Variants in ADGRL2 observed in about 807,000 individuals in gnomAD.
ADGRL2 encodes the protein adhesion G protein-coupled receptor L2.
Under a neutral mutation model 157.4 loss-of-function variants are expected in ADGRL2, and 44 were observed. The observed-to-expected ratio is 0.28, with a 90% confidence interval of 0.22 to 0.36. ADGRL2 has a LOEUF of 0.36. ADGRL2 is among the 10% of genes least tolerant of loss of function. The pLI is 1.00. For synonymous variants in ADGRL2, 585 were observed against 624.7 expected, an observed-to-expected ratio of 0.94 and a Z score of 0.95; for missense variants, 1,510 against 1,768.9, an observed-to-expected ratio of 0.85 and a Z score of 2.63.
intron 2 of ADGRL2, chr1:81,502,667 A>C: frequency 1.2e-6 from 2 of 1,613,766 alleles, no homozygotes; most frequent in Non-Finnish European, 1.7e-6. Context: ...CTCAGGACGC[A>C]GTACATGAAG....
chr1:81,766,917 A>G (rs1373304744), intron 2 of ADGRL2, among the ~76,000 whole-genome samples: 1 of 151,926 alleles, frequency 6.6e-6, no homozygotes, highest in African/African-American at 2.4e-5. Context: ...TTTAAGAAAA[A>G]CACATTATAA....
At chr1:81,929,053 A>T (rs1331292437) in intron 3 of ADGRL2, among the ~76,000 whole-genome samples, 1 of 152,206 alleles carries the variant, frequency 6.6e-6, no homozygotes, top group African/African-American at 2.4e-5. Flanking sequence ...TAATTGTATA[A>T]TTTCAAATTT....
chr1:81,386,020 A>T (rs2076428723), intron 1 of ADGRL2, among the ~76,000 whole-genome samples: 2 of 152,162 alleles, frequency 1.3e-5, no homozygotes, highest in Non-Finnish European at 2.9e-5. Context: ...ATTAAAAAAA[A>T]ATGGCTTCAG....
At chr1:81,692,821 C>T (rs2083369885) in intron 3 of ADGRL2, among the ~76,000 whole-genome samples, 1 of 152,156 alleles carries the variant, frequency 6.6e-6, no homozygotes, top group Admixed American at 6.5e-5. Flanking sequence ...GGAGATTTCA[C>T]ATAAAAACTC....
intron 2 of ADGRL2, among the ~76,000 whole-genome samples, chr1:81,855,266 C>G (rs755114231): frequency 3.3e-5 from 5 of 151,852 alleles, no homozygotes; most frequent in Non-Finnish European, 7.4e-5. Context: ...TAGATAAGAC[C>G]TTGTGTCTAC....
At chr1:81,511,750 A>C (rs543077366) in intron 2 of ADGRL2, among the ~76,000 whole-genome samples, 1 of 152,118 alleles carries the variant, frequency 6.6e-6, no homozygotes, top group Admixed American at 6.5e-5. Context: ...TGAATATTGG[A>C]CTTTGACACT....
At chr1:81,599,094 G>C (rs1252453945) in intron 3 of ADGRL2, among the ~76,000 whole-genome samples, 3 of 152,178 alleles carry the variant, frequency 2.0e-5, no homozygotes, top group Non-Finnish European at 2.9e-5. Flanking sequence ...TTCTGCAACA[G>C]GCCATTATGC....
chr1:81,845,312 T>A (rs2150376820), intron 2 of ADGRL2, among the ~76,000 whole-genome samples: 1 of 152,198 alleles, frequency 6.6e-6, no homozygotes, highest in Admixed American at 6.6e-5. Context: ...AATACATATC[T>A]ATATAATTAT....
chr1:81,633,545 T>A (rs1365891121), intron 3 of ADGRL2, among the ~76,000 whole-genome samples: 1 of 127,638 alleles, frequency 7.8e-6, no homozygotes, highest in African/African-American at 3.1e-5. Flanking sequence ...GAAGTGAGCC[T>A]AGATCACATC....
intron 3 of ADGRL2, 36 bp downstream of exon 3, chr1:81,907,266 T>C (rs763741117): frequency 3.2e-5 from 50 of 1,547,772 alleles, no homozygotes; most frequent in Middle Eastern, 3.3e-4. Context: ...ATTTGAGCTA[T>C]TGTATCCAAA....
At chr1:81,392,465 C>G (rs919130068) in intron 1 of ADGRL2, among the ~76,000 whole-genome samples, 3 of 151,964 alleles carry the variant, frequency 2.0e-5, no homozygotes, top group Admixed American at 2.0e-4. Context: ...CTAATGCTAA[C>G]AAAGGAGCCA....
intron 1 of ADGRL2, among the ~76,000 whole-genome samples, chr1:81,375,151 C>A (rs1395347062): frequency 6.6e-6 from 1 of 152,192 alleles, no homozygotes; most frequent in African/African-American, 2.4e-5. Context: ...CACCTGTGAG[C>A]AAACTTAGCT....
intron 2 of ADGRL2, among the ~76,000 whole-genome samples, chr1:81,539,266 C>T (rs191009306): frequency 8.4e-4 from 128 of 151,998 alleles, no homozygotes; most frequent in Admixed American, 3.9e-3. Flanking sequence ...ACTAAATTCC[C>T]TCCTTCAATT....
chr1:81,840,850 A>T (rs1446568121), intron 2 of ADGRL2, among the ~76,000 whole-genome samples: 1 of 152,188 alleles, frequency 6.6e-6, no homozygotes, highest in Non-Finnish European at 1.5e-5. Flanking sequence ...CTAGAGAACT[A>T]ATCTCAGATT....
intron 22 of ADGRL2, 118 bp from the exon 23 acceptor site, chr1:81,987,751 C>T: frequency 9.3e-6 from 2 of 214,582 alleles, no homozygotes; most frequent in Non-Finnish European, 2.0e-5. Context: ...GAATATTTGC[C>T]ACTAAATTAA....
chr1:81,351,335 G>A (rs1662870059), intron 1 of ADGRL2, among the ~76,000 whole-genome samples: 1 of 151,210 alleles, frequency 6.6e-6, no homozygotes, highest in Admixed American at 6.6e-5. Flanking sequence ...TTAAGCTTTT[G>A]TTCTGCACCA....
intron 2 of ADGRL2, among the ~76,000 whole-genome samples, chr1:81,574,808 C>T (rs892982671): frequency 1.3e-5 from 2 of 152,142 alleles, no homozygotes; most frequent in South Asian, 2.1e-4. Context: ...GCAGGACAAA[C>T]TTGAACATTA....
chr1:81,374,890 G>A (rs1232452749), intron 1 of ADGRL2, among the ~76,000 whole-genome samples: 1 of 152,184 alleles, frequency 6.6e-6, no homozygotes, highest in Non-Finnish European at 1.5e-5. Context: ...AGACAGTACT[G>A]AAGACACAGA....
chr1:81,931,081 C>T (rs901299641), intron 3 of ADGRL2, among the ~76,000 whole-genome samples: 3 of 152,112 alleles, frequency 2.0e-5, no homozygotes, highest in Non-Finnish European at 2.9e-5. Flanking sequence ...CCCGGGAGGC[C>T]AAGGTTGCAG....
Sources: allele counts gnomAD v4.1 joint callset (sites outside exome capture counted in the v4.1 genomes callset), GRCh38; gene constraint gnomAD v4.1.1; transcripts MANE v1.5; gene names NCBI Gene and HGNC (gene_info 2026-07-23, HGNC 2026-07-21).